Variants in ZMYND8 observed in about 807,000 individuals in gnomAD.
ZMYND8 encodes zinc finger MYND-type containing 8.
In ZMYND8, 37 loss-of-function variants were observed where a neutral mutation model predicts 140.8. That is an observed-to-expected ratio of 0.26 (90% CI 0.20 to 0.35). ZMYND8 has a LOEUF of 0.35. ZMYND8 is among the 10% of genes least tolerant of loss of function. The pLI is 1.00. For synonymous variants in ZMYND8, 592 were observed against 597.1 expected, an observed-to-expected ratio of 0.99 and a Z score of 0.12; for missense variants, 1,068 against 1,570.0, an observed-to-expected ratio of 0.68 and a Z score of 5.40.
Position 47,239,099 on chromosome 20 carries a change from T to C in ZMYND8, c.2324A>G (p.His775Arg). The change falls in exon 15 of 23, where the codon CAT becomes CGT. Residue 775 changes from histidine to arginine, a missense_variant. Around this residue, in one of 10 missense-constraint regions of ZMYND8, gnomAD observed 383 missense variants for 431.2 expected, o/e 0.89. Transcript: ENST00000471951. ...KTPPSTTVGS[H>R]SPPETPVLTR... The stretch of plus-strand genomic sequence containing the variant: ...GAGCACCGGTGTTTCCGGGGGAGAA[T>C]GGCTGCCCACCGTCGTGGATGGTGG... 2.0e-6 allele frequency: 3 copies of C among 1,519,532 alleles called. No individual in the cohort carries two copies. Among genetic ancestry groups the C allele is most frequent in the Non-Finnish European group, 2.6e-6 (3 of 1,136,936 alleles). 94.1% of individuals were successfully genotyped at this position (1,519,532 alleles called of 1,614,324 possible). A position where few individuals can be genotyped will look rare whatever the true frequency, so the allele number is the denominator to read the frequency against.
At chr20:47,282,982 G>A (rs1054142253) in intron 9 of ZMYND8, among the ~76,000 whole-genome samples, 16 of 152,122 alleles carry the variant, frequency 1.1e-4, no homozygotes, top group Non-Finnish European at 2.2e-4. Flanking sequence ...ACGAAGAGAT[G>A]CAAAGTATAT....
intron 11 of ZMYND8, among the ~76,000 whole-genome samples, chr20:47,266,388 C>A (rs1042024512): frequency 6.6e-6 from 1 of 152,144 alleles, no homozygotes; most frequent in Non-Finnish European, 1.5e-5. Flanking sequence ...CAAGCGGATT[C>A]TCCTGCCTCA....
chr20:47,325,696 T>C (rs888601682), intron 2 of ZMYND8, among the ~76,000 whole-genome samples: 14 of 152,192 alleles, frequency 9.2e-5, no homozygotes, highest in Non-Finnish European at 1.3e-4. Flanking sequence ...TTCAGCTAAA[T>C]GCAATTACTG....
At position 47,233,145 on chromosome 20, in the gene ZMYND8, A is replaced by G. The variant is rs192812583; in HGVS notation, c.2856+3181T>C. ...TAGTCTCGAACTCCTGACCTCAGGC[A>G]ATCCACCCGCCTGGGCCTCCCGAAG... On this transcript the variant is annotated intron_variant, in intron 16 of 22. Coordinates refer to ENST00000471951, the MANE Select transcript of ZMYND8 (RefSeq NM_001281775.3). 9.5e-3 allele frequency among the ~76,000 whole-genome samples: 1,426 copies of G among 150,546 alleles called. 27 individuals are homozygous for G. The highest frequency in any genetic ancestry group is 0.033 in the African/African-American group (1,346 of 40,668).
intron 12 of ZMYND8, among the ~76,000 whole-genome samples, chr20:47,258,723 TGACA>T (rs2074939736): frequency 6.6e-6 from 1 of 152,156 alleles, no homozygotes; most frequent in Non-Finnish European, 1.5e-5. Context: ...GTTCCACGGC[TGACA>T]GACAGAATCA....
At chr20:47,333,731 A>AAAAAAAC (rs2081153815) in intron 2 of ZMYND8, among the ~76,000 whole-genome samples, 1 of 102,478 alleles carries the variant, frequency 9.8e-6, no homozygotes, top group African/African-American at 5.3e-5. Flanking sequence ...TCTCAAAAAA[A>AAAAAAAC]AAAAAAAAAA....
intron 2 of ZMYND8, among the ~76,000 whole-genome samples, chr20:47,345,784 C>G (rs1165338917): frequency 6.9e-6 from 1 of 144,918 alleles, no homozygotes; most frequent in Non-Finnish European, 1.5e-5. Context: ...GCTAAGATTA[C>G]AGGCGTGAGC....
intron 18 of ZMYND8, 47 bp from the exon 19 acceptor site, chr20:47,224,603 G>A: frequency 6.2e-7 from 1 of 1,604,044 alleles, no homozygotes; most frequent in African/African-American, 1.3e-5. Flanking sequence ...ACCCCAGCCT[G>A]GGGTGTGGGG....
intron 2 of ZMYND8, among the ~76,000 whole-genome samples, chr20:47,329,695 C>G (rs891459624): frequency 6.6e-6 from 1 of 152,116 alleles, no homozygotes; most frequent in African/African-American, 2.4e-5. Flanking sequence ...TGAGCCACCA[C>G]GCCTGGCTTG....
chr20:47,290,557 A>T (rs1307244566), intron 6 of ZMYND8, among the ~76,000 whole-genome samples: 2 of 151,314 alleles, frequency 1.3e-5, no homozygotes, highest in African/African-American at 4.9e-5. Context: ...AGCTTCTTCC[A>T]ATAAACAGGA....
chr20:47,329,457 T>C (rs1003674849), intron 2 of ZMYND8, among the ~76,000 whole-genome samples: 6 of 151,946 alleles, frequency 3.9e-5, no homozygotes, highest in Admixed American at 3.9e-4. Flanking sequence ...CAGGCTGGAG[T>C]GCAATGGCGT....
Position 47,236,534 on chromosome 20 carries a change from C to T in ZMYND8, c.2666-18G>A. 1 of 1,539,838 alleles carries T rather than the reference C, an allele frequency of 6.5e-7. No individual in the cohort carries two copies. Among genetic ancestry groups the T allele is most frequent in the Non-Finnish European group, 8.7e-7 (1 of 1,142,914 alleles). On this transcript the variant is annotated intron_variant, in intron 15 of 22. Transcript: ENST00000471951. ...CTGGACAGCTAGGAAGGCAAAGCAT[C>T]CTGATTACCCCACGTGGGAAGGACC...
chr20:47,281,231 T>A (rs1167804114), intron 10 of ZMYND8, among the ~76,000 whole-genome samples: 1 of 152,180 alleles, frequency 6.6e-6, no homozygotes, highest in Non-Finnish European at 1.5e-5. Flanking sequence ...AGTAAATGAG[T>A]TTGCAAATGA....
In ZMYND8 at chr20:47,283,581, C is replaced by G; in HGVS notation, c.872G>C (p.Cys291Ser). 6.2e-7 allele frequency: 1 copy of G among 1,614,124 alleles called. No individual in the cohort carries two copies. The highest frequency in any genetic ancestry group is 1.1e-5 in the South Asian group (1 of 91,074). Reference protein sequence around the residue: ...AACQKRDNWFCEPCSNPHPLV... With the variant: ...AACQKRDNWFSEPCSNPHPLV... Reference sequence around the variant, plus strand: ...GTAAATCCAACTTACACAAGGCTCACAAAACCAGTTATCTCGTTTTTGGCA... The same window carrying G: ...GTAAATCCAACTTACACAAGGCTCAGAAAACCAGTTATCTCGTTTTTGGCA... The change falls in exon 9 of 23, where the codon TGT becomes TCT. Residue 291 changes from cysteine to serine, a missense_variant. Physicochemically the swap from Cys to Ser is moderately radical, Grantham distance 112. This residue lies in a region of ZMYND8 where 109 missense variants were observed against 314.9 expected (regional missense o/e 0.35). Coordinates refer to ENST00000471951, the MANE Select transcript of ZMYND8 (RefSeq NM_001281775.3).
chr20:47,302,283 T>G (rs956660149), intron 3 of ZMYND8, among the ~76,000 whole-genome samples: 2 of 152,122 alleles, frequency 1.3e-5, no homozygotes, highest in Non-Finnish European at 2.9e-5. Flanking sequence ...CAGACCAGCC[T>G]AGGCAACATG....
intron 12 of ZMYND8, among the ~76,000 whole-genome samples, chr20:47,252,414 G>A (rs568542501): frequency 6.9e-4 from 104 of 151,578 alleles, no homozygotes; most frequent in Middle Eastern, 3.4e-3. Flanking sequence ...GGCCTCCCTC[G>A]GAATTTCCAC....
At chr20:47,230,495 T>C (rs1019521261) in intron 16 of ZMYND8, among the ~76,000 whole-genome samples, 1 of 152,046 alleles carries the variant, frequency 6.6e-6, no homozygotes, top group Admixed American at 6.6e-5. Context: ...GGTTTCACCA[T>C]GTTGGTCAGG....
chr20:47,280,948 C>T (rs780489238), intron 10 of ZMYND8, among the ~76,000 whole-genome samples: 52 of 152,178 alleles, frequency 3.4e-4, no homozygotes, highest in Non-Finnish European at 5.6e-4. Context: ...ACACCAGGCC[C>T]CCACCACTAC....
intron 2 of ZMYND8, among the ~76,000 whole-genome samples, chr20:47,324,110 G>C (rs1193988471): frequency 6.6e-6 from 1 of 150,712 alleles, no homozygotes; most frequent in Non-Finnish European, 1.5e-5. Flanking sequence ...GCTAAGGCAG[G>C]AGAATCACTT....
Sources: allele counts gnomAD v4.1 joint callset (sites outside exome capture counted in the v4.1 genomes callset), GRCh38; gene constraint gnomAD v4.1.1; regional missense constraint gnomAD v4.1.1; transcripts MANE v1.5; gene names NCBI Gene and HGNC (gene_info 2026-07-23, HGNC 2026-07-21).